The following DYM variants were observed in gnomAD, a reference collection of about 807,000 sequenced individuals.
The protein encoded by DYM is dyggve-Melchior-Clausen syndrome protein.
A neutral mutation model predicts 93.1 loss-of-function variants in DYM; 78 were observed. The ratio of observed to expected loss-of-function variants is 0.84; its 90% confidence interval spans 0.70 to 1.01. The LOEUF (loss-of-function observed/expected upper bound fraction) is 1.01, where lower values mean the gene tolerates loss of function less well. DYM is among the 50% of genes least tolerant of loss of function. The probability of loss-of-function intolerance (pLI) is 0.00; values close to 1 mark genes in which losing one functional copy is unlikely to be tolerated. For synonymous variants in DYM, 321 were observed against 319.7 expected, an observed-to-expected ratio of 1.00 and a Z score of -0.04; for missense variants, 789 against 845.0, an observed-to-expected ratio of 0.93 and a Z score of 0.82.
At chr18:49,188,696 G>T (rs1365497929) in intron 14 of DYM, among the ~76,000 whole-genome samples, 2 of 152,136 alleles carry the variant, frequency 1.3e-5, no homozygotes, top group Non-Finnish European at 2.9e-5. Context: ...TTGTGGCGTG[G>T]GGGGAAGGGG....
chr18:49,170,256 G>T (rs2088492815), intron 14 of DYM, among the ~76,000 whole-genome samples: 2 of 152,114 alleles, frequency 1.3e-5, no homozygotes, highest in African/African-American at 2.4e-5. Flanking sequence ...GTGGAGTCAG[G>T]AGTCAATGCT....
At chr18:49,438,007 C>T (rs1197292678) in intron 1 of DYM, among the ~76,000 whole-genome samples, 2 of 152,066 alleles carry the variant, frequency 1.3e-5, no homozygotes, top group Non-Finnish European at 2.9e-5. Flanking sequence ...CCAGCCTGGG[C>T]AAGACCCCAT....
intron 8 of DYM, among the ~76,000 whole-genome samples, chr18:49,294,612 G>GA (rs2060404432): frequency 6.6e-6 from 1 of 151,852 alleles, no homozygotes; most frequent in Non-Finnish European, 1.5e-5. Context: ...AATAATCAAG[G>GA]AAAAAATAAA....
chr18:49,339,407 T>A, intron 6 of DYM, among the ~76,000 whole-genome samples: 1 of 152,190 alleles, frequency 6.6e-6, no homozygotes, highest in African/African-American at 2.4e-5. Context: ...TATGTCACTT[T>A]TGAGAGATCA....
intron 15 of DYM, among the ~76,000 whole-genome samples, chr18:49,129,271 C>G (rs558513086): frequency 1.3e-5 from 2 of 152,058 alleles, no homozygotes; most frequent in African/African-American, 4.8e-5. Context: ...CTCTAGGTCA[C>G]GTGTGTACAC....
chr18:49,423,347 G>A (rs1381110063), intron 2 of DYM, among the ~76,000 whole-genome samples: 7 of 152,110 alleles, frequency 4.6e-5, no homozygotes, highest in East Asian at 1.9e-4. Context: ...TGAAACCAAC[G>A]AGAACAAAGA....
intron 12 of DYM, among the ~76,000 whole-genome samples, chr18:49,257,616 A>C (rs999120651): frequency 6.6e-6 from 1 of 151,974 alleles, no homozygotes; most frequent in African/African-American, 2.4e-5. Flanking sequence ...TGGGAGGATC[A>C]CTTCAGGACA....
chr18:49,163,847 G>A, intron 14 of DYM, 60 bp from the exon 15 acceptor site: 2 of 1,101,848 alleles, frequency 1.8e-6, no homozygotes, highest in Non-Finnish European at 2.7e-6. Flanking sequence ...TCTGTCTTCT[G>A]TGGAAATATA....
At position 49,282,177 on chromosome 18, in the gene DYM, T is replaced by C. The variant is rs567638775; in HGVS notation, c.947-2A>G. 6.2e-7 allele frequency: 1 copy of C among 1,613,522 alleles called. No individual in the cohort carries two copies. The highest frequency in any genetic ancestry group is 8.5e-7 in the Non-Finnish European group (1 of 1,179,498). On this transcript the variant is annotated splice_acceptor_variant, in intron 9 of 17. Transcript: ENST00000675505. LOFTEE classifies it high-confidence loss of function. ...TTGATGAGGGGAAAGGACTGCTATC[T>C]GGAATACAGAAAACAGCACATCAGT...
At chr18:49,261,740 T>A (rs936967420) in intron 11 of DYM, among the ~76,000 whole-genome samples, 36 of 152,280 alleles carry the variant, frequency 2.4e-4, no homozygotes, top group African/African-American at 8.7e-4. Flanking sequence ...TTTGGGAAAG[T>A]ACAAAAAACA....
intron 14 of DYM, among the ~76,000 whole-genome samples, chr18:49,192,867 T>A (rs961873621): frequency 6.6e-5 from 10 of 152,150 alleles, no homozygotes; most frequent in Non-Finnish European, 1.5e-4. Flanking sequence ...CTCATAGAAG[T>A]AGACAGTAGA....
intron 11 of DYM, among the ~76,000 whole-genome samples, chr18:49,268,984 A>G (rs941108219): frequency 2.0e-5 from 3 of 152,128 alleles, no homozygotes; most frequent in Non-Finnish European, 4.4e-5. Flanking sequence ...GCTTCTACAC[A>G]CCAAAGGAAA....
Position 49,121,608 on chromosome 18 carries a change from G to C in DYM, c.1729-2682C>G, listed in dbSNP as rs139046934. 1.1e-4 allele frequency among the ~76,000 whole-genome samples: 17 copies of C among 152,180 alleles called. No individual in the cohort carries two copies. In the East Asian group the frequency reaches 3.3e-3, roughly 29 times the overall value. On this transcript the variant is annotated intron_variant, in intron 15 of 17. Transcript: ENST00000675505. ...AAAACCAAAAGAACCCATGTACTTA[G>C]ATCCATCAAATTCAAATTATTAAAG...
chr18:49,201,290 T>C (rs9952130), intron 14 of DYM, among the ~76,000 whole-genome samples: 3,972 of 152,330 alleles, frequency 0.026, 164 homozygotes, highest in African/African-American at 0.089. Flanking sequence ...TGTTGAATTA[T>C]GTTCTCTCAA....
intron 8 of DYM, among the ~76,000 whole-genome samples, chr18:49,310,524 A>G (rs762358522): frequency 6.6e-6 from 1 of 152,176 alleles, no homozygotes; most frequent in Non-Finnish European, 1.5e-5. Context: ...ATATGTATGT[A>G]TATTTGCCAC....
intron 14 of DYM, among the ~76,000 whole-genome samples, chr18:49,170,639 G>T (rs1217987564): frequency 6.6e-6 from 1 of 151,936 alleles, no homozygotes; most frequent in South Asian, 2.1e-4. Context: ...AACTAGCTGG[G>T]CGTGGTGGCA....
At chr18:49,232,344 T>C (rs2093721283) in intron 13 of DYM, among the ~76,000 whole-genome samples, 1 of 151,708 alleles carries the variant, frequency 6.6e-6, no homozygotes, top group Non-Finnish European at 1.5e-5. Flanking sequence ...TCTCACTCTG[T>C]CACCCAGGCT....
At chr18:49,422,748 T>C (rs1333506598) in intron 2 of DYM, among the ~76,000 whole-genome samples, 1 of 152,202 alleles carries the variant, frequency 6.6e-6, no homozygotes, top group South Asian at 2.1e-4. Flanking sequence ...GTTGCAATCC[T>C]AGTCTCTGAT....
At chr18:49,332,635 A>C (rs1389295956) in intron 7 of DYM, among the ~76,000 whole-genome samples, 1 of 152,212 alleles carries the variant, frequency 6.6e-6, no homozygotes, top group Admixed American at 6.5e-5. Flanking sequence ...TAAACTTTTT[A>C]ACAGATTCTT....
Sources: gnomAD v4.1 joint callset for allele counts (sites outside exome capture counted in the v4.1 genomes callset) on GRCh38, gnomAD v4.1.1 for gene constraint, MANE v1.5 for transcripts, NCBI Gene and HGNC (gene_info 2026-07-23, HGNC 2026-07-21) for gene names.